HPS1: variants seen among roughly 807,000 people sequenced by gnomAD.
The protein encoded by HPS1 is HPS1 biogenesis of lysosomal organelles complex 3 subunit 1.
A neutral mutation model predicts 90.6 loss-of-function variants in HPS1; 59 were observed. The observed-to-expected ratio is 0.65, with a 90% CI of 0.53 to 0.81. HPS1 has a LOEUF of 0.81. HPS1 is among the 30% of genes least tolerant of loss of function. HPS1 has a pLI of 0.00. For missense variants in HPS1, 849 were observed against 896.7 expected, an observed-to-expected ratio of 0.95 and a Z score of 0.68; for synonymous variants, 388 against 384.4, an observed-to-expected ratio of 1.01 and a Z score of -0.11.
At chr10:98,433,836 G>T in intron 6 of HPS1, 147 bp downstream of exon 6, 1 of 1,183,226 alleles carries the variant, frequency 8.5e-7, no homozygotes, top group Non-Finnish European at 1.2e-6. Context: ...CCTCCATATG[G>T]CCAGAAAGAA....
intron 3 of HPS1, among the ~76,000 whole-genome samples, chr10:98,441,038 C>CG: frequency 6.6e-6 from 1 of 152,242 alleles, no homozygotes; most frequent in South Asian, 2.1e-4. Flanking sequence ...GATGAGAACA[C>CG]GAGTGATGTT....
intron 3 of HPS1, 29 bp downstream of exon 3, chr10:98,443,095 C>T: frequency 6.9e-7 from 1 of 1,458,722 alleles, no homozygotes; most frequent in Non-Finnish European, 9.6e-7. Context: ...CCTATCCACC[C>T]CTCCTGGGAC....
In HPS1 at chr10:98,425,942, A is replaced by T; in HGVS notation, c.1031T>A (p.Val344Glu). ...TLQTLVPHCPVPSGPRRIFLD... is the reference protein window; with the variant it reads ...TLQTLVPHCPEPSGPRRIFLD... ...GAAGATCCTTCTGGGGCCGGAAGGC[A>T]CAGGGCAGTGGGGAACCAGTGTTTG... The change falls in exon 12 of 20, where the codon GTG becomes GAG. Residue 344 changes from valine (V) to glutamate (E), a missense_variant. Transcript: ENST00000361490. The T allele has an allele frequency of 6.2e-7, 1 of 1,614,146 alleles. No individual in the cohort carries two copies. Among genetic ancestry groups the T allele is most frequent in the Non-Finnish European group, 8.5e-7 (1 of 1,179,992 alleles).
intron 18 of HPS1, 35 bp from the exon 19 acceptor site, chr10:98,418,292 G>C: frequency 7.4e-7 from 1 of 1,348,778 alleles, no homozygotes; most frequent in East Asian, 2.3e-5. Context: ...GTGGGTGTGG[G>C]GGTAGTGCAA....
chr10:98,430,431 A>G, intron 8 of HPS1, 140 bp downstream of exon 8: 2 of 716,750 alleles, frequency 2.8e-6, no homozygotes, highest in South Asian at 3.0e-5. Flanking sequence ...AGTGGGAAAG[A>G]AGTCACGCCC....
intron 10 of HPS1, among the ~76,000 whole-genome samples, chr10:98,428,697 CTT>C (rs11435125): frequency 5.5e-4 from 71 of 128,060 alleles, no homozygotes; most frequent in Non-Finnish European, 8.1e-4. Flanking sequence ...CCACAGGACC[CTT>C]TTTTTTTTTT....
chr10:98,429,096 CCT>C (rs1846012169), intron 10 of HPS1: 2 of 494,194 alleles, frequency 4.0e-6, no homozygotes, highest in Non-Finnish European at 5.5e-6. Context: ...CCCGCCTCGG[CCT>C]CCCAAAGTGC....
intron 6 of HPS1, among the ~76,000 whole-genome samples, chr10:98,431,592 T>C (rs996679227): frequency 6.6e-6 from 1 of 152,146 alleles, no homozygotes; most frequent in African/African-American, 2.4e-5. Flanking sequence ...AGAGACCTCC[T>C]TGGGTAGGGT....
chr10:98,429,222 A>C (rs1012710160), intron 10 of HPS1: 1 of 1,058,382 alleles, frequency 9.4e-7, no homozygotes, highest in African/African-American at 1.7e-5. Context: ...GATGCTGAAT[A>C]TATTTTAGAA....
intron 13 of HPS1, 99 bp downstream of exon 13, chr10:98,425,442 A>G: frequency 5.8e-6 from 7 of 1,216,242 alleles, no homozygotes; most frequent in Non-Finnish European, 7.1e-6. Context: ...CCGGACAGGA[A>G]CCCAGGCCCA....
In HPS1 at chr10:98,443,183, G is replaced by T; in HGVS notation, c.58C>A (p.Gln20Lys). Residue 20 changes from glutamine to lysine, a missense_variant, in exon 3 of 20, where the codon CAG (glutamine) becomes AAG (lysine). Coordinates refer to ENST00000361490, the MANE Select transcript of HPS1 (RefSeq NM_000195.5). ...AGCCGGAGACTCTCTTCAAACTCCT[G>T]ATCTGTCCAGTAGAAGAGGACCTCT... is the stretch of plus-strand genomic sequence containing the variant. ...GAEVLFYWTDQEFEESLRLKF... is the reference protein window; with the variant it reads ...GAEVLFYWTDKEFEESLRLKF... The T allele has an allele frequency of 6.2e-7, 1 of 1,613,964 alleles. No homozygotes were observed. Among genetic ancestry groups the T allele is most frequent in the Non-Finnish European group, 8.5e-7 (1 of 1,179,972 alleles).
At chr10:98,420,610 G>A (rs1458364324) in intron 17 of HPS1, among the ~76,000 whole-genome samples, 1 of 152,104 alleles carries the variant, frequency 6.6e-6, no homozygotes, top group East Asian at 1.9e-4. Context: ...CAGCTATTTG[G>A]GGGGCTGAGA....
At chr10:98,423,503 TC>T in intron 16 of HPS1, 99 bp downstream of exon 16, 1 of 1,086,092 alleles carries the variant, frequency 9.2e-7, no homozygotes, top group Non-Finnish European at 1.4e-6. Context: ...GGAACATATA[TC>T]CCCCTTCCCT....
At chr10:98,433,585 C>G (rs1846837060) in intron 6 of HPS1, among the ~76,000 whole-genome samples, 1 of 152,154 alleles carries the variant, frequency 6.6e-6, no homozygotes, top group Non-Finnish European at 1.5e-5. Flanking sequence ...AGGCTATTTA[C>G]TGGCTGTAGT....
At chr10:98,428,529 T>C (rs1845908815) in intron 10 of HPS1, among the ~76,000 whole-genome samples, 1 of 152,134 alleles carries the variant, frequency 6.6e-6, no homozygotes, top group African/African-American at 2.4e-5. Flanking sequence ...CCACAGACTG[T>C]AACTTAATTG....
rs1349797264 is a variant in HPS1, at chr10:98,422,587, T to C, written c.1599-74A>G. 4.1e-6 allele frequency: 6 copies of C among 1,472,866 alleles called. No individual in the cohort carries two copies. The East Asian group carries it at 1.4e-4, about 33-fold the overall frequency. 91.2% of individuals were successfully genotyped at this position (1,472,866 alleles called of 1,614,324 possible). ...TGCCTCTGTCCTGGGCTTCTAGCTG[T>C]GCCCAGTCATGGTGGCAGGAGGGCC... On this transcript the variant is annotated intron_variant, in intron 16 of 19. Transcript: ENST00000361490.
At chr10:98,428,848 GT>G (rs1231660893) in intron 10 of HPS1, among the ~76,000 whole-genome samples, 25 of 142,476 alleles carry the variant, frequency 1.8e-4, no homozygotes, top group Admixed American at 2.8e-4. Flanking sequence ...GTTTTGTTTT[GT>G]TTTTTTTTTT....
chr10:98,434,947 T>C (rs1847091507), intron 5 of HPS1: 1 of 394,472 alleles, frequency 2.5e-6, no homozygotes, highest in Admixed American at 3.7e-5. Flanking sequence ...AGACCAGATT[T>C]GTAATGACGG....
intron 15 of HPS1, 21 bp from the exon 16 acceptor site, chr10:98,423,689 T>G (rs1415931455): frequency 6.2e-7 from 1 of 1,614,068 alleles, no homozygotes; most frequent in Non-Finnish European, 8.5e-7. Context: ...AAGCTCGGGC[T>G]GCGTGAAGGA....
Sources: gnomAD v4.1 joint callset for allele counts (sites outside exome capture counted in the v4.1 genomes callset) on GRCh38, gnomAD v4.1.1 for gene constraint, MANE v1.5 for transcripts, NCBI Gene and HGNC (gene_info 2026-07-23, HGNC 2026-07-21) for gene names.